FBRSL1: variants seen among roughly 807,000 people sequenced by gnomAD.
FBRSL1 encodes fibrosin like 1.
In FBRSL1, 51 loss-of-function variants were observed where a neutral mutation model predicts 89.6. The ratio of observed to expected loss-of-function variants is 0.57; its 90% CI spans 0.45 to 0.72. The LOEUF is 0.72. Ranked by LOEUF, FBRSL1 falls within the 30% of genes least tolerant of loss-of-function variation. The pLI is 0.00. For synonymous variants in FBRSL1, 779 were observed against 681.1 expected (o/e 1.14, Z -2.24); for missense variants, 1,618 against 1,451.8 (o/e 1.11, Z -1.86).
At chr12:132,555,232 G>A (rs1397519140) in intron 5 of FBRSL1, among the ~76,000 whole-genome samples, 5 of 150,956 alleles carry the variant, frequency 3.3e-5, no homozygotes, top group South Asian at 4.2e-4. Context: ...GCTCTCCCTC[G>A]GGTGGGAGTG....
chr12:132,562,633 T>C (rs116279519), intron 5 of FBRSL1, among the ~76,000 whole-genome samples: 14,981 of 95,188 alleles, frequency 0.16, 1,538 homozygotes, highest in African/African-American at 0.35. Flanking sequence ...TCAGCATCCC[T>C]TCCCACCAGC....
rs2040228499 is a variant in FBRSL1 at position 132,574,140 on chromosome 12, C to A, written c.1581C>A (p.Leu527=). The A allele has an allele frequency of 2.1e-6, 3 of 1,414,436 alleles. No individual in the cohort carries two copies. The highest frequency in any genetic ancestry group is 2.8e-6 in the Non-Finnish European group (3 of 1,089,278). 87.6% of individuals were successfully genotyped at this position (1,414,436 alleles called of 1,614,324 possible). A position where few individuals can be genotyped will look rare whatever the true frequency, so the allele number is the denominator to read the frequency against. ...GCCGGGCTGGTGCGGTTCACACACT[C>A]CTGCAGAAAGCGCCTGGGGTAGGTG... ...VARRAGAVHT[L]LQKAPGVSDP... is the part of the protein sequence containing the mutation. Residue 527 remains leucine (L), a synonymous_variant, in exon 12 of 19, where the codon CTC becomes CTA. Coordinates refer to ENST00000680143, the MANE Select transcript of FBRSL1 (RefSeq NM_001367871.1).
At position 132,561,397 on chromosome 12, in the gene FBRSL1, G is replaced by A. The variant is rs753601285; in HGVS notation, c.646-6084G>A. Among the ~76,000 whole-genome samples the A allele has an allele frequency of 2.6e-5, 4 of 152,292 alleles. No homozygotes were observed. In the East Asian group the frequency reaches 5.8e-4, roughly 22 times the overall value. On this transcript the variant is annotated intron_variant, in intron 5 of 18. Transcript: ENST00000680143. Reference sequence around the variant, plus strand: ...CTTGTGTTCGAACCTGGGACGTGGAGCGGAACCCACTAGAGTGTTTGGGTC... The same window carrying A: ...CTTGTGTTCGAACCTGGGACGTGGAACGGAACCCACTAGAGTGTTTGGGTC...
intron 18 of FBRSL1, 53 bp from the exon 19 acceptor site, chr12:132,582,918 C>T (rs1174350948): frequency 8.4e-6 from 11 of 1,314,860 alleles, no homozygotes; most frequent in African/African-American, 6.3e-5. Flanking sequence ...GGGGCTGCGC[C>T]GCGCGGCAGG....
Position 132,525,807 on chromosome 12 carries a change from GGGACCCGCT to G in FBRSL1, c.564_572del (p.Asp189_Leu191del). Reference sequence around the variant, plus strand: ...AGCGTCCTCGAAGCCACCAGCTCCCGGGACCCGCTCAGCGATGTGAGTACCCAGCTGCCC... The same window carrying G: ...AGCGTCCTCGAAGCCACCAGCTCCCGCAGCGATGTGAGTACCCAGCTGCCC... On this transcript the variant is annotated inframe_deletion, in exon 3 of 19. Coordinates refer to ENST00000680143, the MANE Select transcript of FBRSL1 (RefSeq NM_001367871.1). 2 of 1,549,622 alleles carry G rather than the reference GGGACCCGCT, an allele frequency of 1.3e-6. No individual in the cohort carries two copies. The highest frequency in any genetic ancestry group is 1.7e-6 in the Non-Finnish European group (2 of 1,146,204).
At chr12:132,549,482 C>T (rs1013978272) in intron 5 of FBRSL1, among the ~76,000 whole-genome samples, 2 of 152,206 alleles carry the variant, frequency 1.3e-5, no homozygotes, top group African/African-American at 4.8e-5. Flanking sequence ...AATGAGGTCA[C>T]GGGCACCCAG....
intron 2 of FBRSL1, among the ~76,000 whole-genome samples, chr12:132,520,238 AACCCTCCTTGCACACCTCTAGCAC>A (rs1382138829): frequency 3.0e-5 from 4 of 135,274 alleles, no homozygotes; most frequent in African/African-American, 1.2e-4. Context: ...ACCCTCCAGC[AACCCTCCTTGCACACCTCTAGCAC>A]ACCCTCCTTG....
chr12:132,583,494 C>T lies in FBRSL1; in HGVS notation c.2725C>T (p.His909Tyr). Residue 909 changes from histidine (H) to tyrosine (Y), a missense_variant, in exon 19 of 19, where the codon CAC (histidine) becomes TAC (tyrosine). His to Tyr is a moderately conservative substitution (Grantham distance 83). Transcript: ENST00000680143. ...GGAGCTGGAGCGCGCGCGGGCCCCG[C>T]ACCTGCCGCCCGCCGCCCCCGCCTT... ...RGELERARAP[H>Y]LPPAAPALDG... 2 of 1,046,812 alleles carry T rather than the reference C, an allele frequency of 1.9e-6. 1 individual carries two copies. The allele number at this position is 1,046,812 out of a possible 1,614,324, so 64.8% of individuals were successfully genotyped here.
chr12:132,544,352 G>A (rs1254259663), intron 4 of FBRSL1, among the ~76,000 whole-genome samples: 2 of 152,160 alleles, frequency 1.3e-5, no homozygotes, highest in African/African-American at 4.8e-5. Context: ...GACAAGCAGA[G>A]AAGGAGAGAC....
intron 4 of FBRSL1, among the ~76,000 whole-genome samples, chr12:132,529,633 C>G (rs1197263584): frequency 6.6e-6 from 1 of 151,760 alleles, no homozygotes. Context: ...CTCTGCCACC[C>G]TAAGCTCTGC....
chr12:132,512,075 G>A, intron 2 of FBRSL1: 1 of 921,638 alleles, frequency 1.1e-6, no homozygotes, highest in Non-Finnish European at 1.3e-6. Flanking sequence ...GGGGAGACCT[G>A]GAGCATCTGT....
chr12:132,510,037 C>G (rs780630254), intron 2 of FBRSL1: 2 of 1,231,354 alleles, frequency 1.6e-6, no homozygotes, highest in Non-Finnish European at 2.0e-6. Context: ...CCAGAGCAGC[C>G]CGGCCCACTC....
chr12:132,561,632 G>T (rs1026036722), intron 5 of FBRSL1, among the ~76,000 whole-genome samples: 1 of 152,142 alleles, frequency 6.6e-6, no homozygotes, highest in African/African-American at 2.4e-5. Context: ...TGGCGGCGTG[G>T]TGGGGCCTGC....
intron 9 of FBRSL1, 100 bp from the exon 10 acceptor site, chr12:132,572,188 G>C (rs969482154): frequency 9.1e-7 from 1 of 1,104,498 alleles, no homozygotes; most frequent in African/African-American, 1.6e-5. Context: ...GAAGCACAAC[G>C]CCGTCCTGTC....
Position 132,546,229 on chromosome 12 carries a change from G to A in FBRSL1, c.616-1774G>A, listed in dbSNP as rs116994533. Among the ~76,000 whole-genome samples the A allele has an allele frequency of 3.7e-3, 571 of 152,358 alleles. 8 individuals are homozygous for A. Among genetic ancestry groups the A allele is most frequent in the East Asian group, 0.035 (182 of 5,182 alleles). On this transcript the variant is annotated intron_variant, in intron 4 of 18. Coordinates refer to ENST00000680143, the MANE Select transcript of FBRSL1 (RefSeq NM_001367871.1). This position sits in a 1 kb window ranked among gnomAD's most constrained non-coding sequence, Gnocchi z 4.0. ...CTTTCCTCACCAAACACCAAGGCCC[G>A]CCCATATCACAGCAGGGGAGATGGA...
rs537019983 is a variant in FBRSL1, at chr12:132,576,874, G to A, written c.1777G>A (p.Val593Met). The A allele has an allele frequency of 3.9e-5, 60 of 1,550,352 alleles. No individual in the cohort carries two copies. Among genetic ancestry groups the A allele is most frequent in the Middle Eastern group, 3.3e-4 (2 of 5,988 alleles). The change falls in exon 15 of 19, where the codon GTG becomes ATG. Residue 593 changes from valine to methionine, a missense_variant. Coordinates refer to ENST00000680143, the MANE Select transcript of FBRSL1 (RefSeq NM_001367871.1). ...DLFGRPPAPG[V>M]FAGFHYPQDL... ...GTTCGGCAGACCCCCTGCCCCGGGC[G>A]TGTTTGCAGGCTTCCACTACCCACA...
intron 18 of FBRSL1, 73 bp from the exon 19 acceptor site, chr12:132,582,898 G>C: frequency 8.1e-7 from 1 of 1,228,116 alleles, no homozygotes; most frequent in Non-Finnish European, 1.0e-6. Context: ...ACAAGCAACG[G>C]GAACATCCCG....
At position 132,583,492 on chromosome 12, in the gene FBRSL1, C is replaced by T. The variant is rs1296050721; in HGVS notation, c.2723C>T (p.Pro908Leu). 21 of 1,046,850 alleles carry T rather than the reference C, an allele frequency of 2.0e-5. No homozygotes were observed. Among genetic ancestry groups the T allele is most frequent in the African/African-American group, 1.6e-4 (9 of 57,084 alleles). 64.8% of individuals were successfully genotyped at this position (1,046,850 alleles called of 1,614,324 possible). A position where few individuals can be genotyped will look rare whatever the true frequency, so the allele number is the denominator to read the frequency against. The change falls in exon 19 of 19, where the codon CCG (proline) becomes CTG (leucine). Residue 908 changes from proline (P) to leucine (L), a missense_variant. Transcript: ENST00000680143. ...LRGELERARA[P>L]HLPPAAPALD... ...GGGGAGCTGGAGCGCGCGCGGGCCC[C>T]GCACCTGCCGCCCGCCGCCCCCGCC...
At chr12:132,563,702 G>A (rs1160929665) in intron 5 of FBRSL1, among the ~76,000 whole-genome samples, 2 of 148,126 alleles carry the variant, frequency 1.4e-5, no homozygotes, top group Non-Finnish European at 3.0e-5. Context: ...ACATACCTAC[G>A]ACTGTATACC....
Sources: gnomAD v4.1 joint callset for allele counts (sites outside exome capture counted in the v4.1 genomes callset) on GRCh38, gnomAD v4.1.1 for gene constraint, Gnocchi (gnomAD v3.1) non-coding constraint, MANE v1.5 for transcripts, NCBI Gene and HGNC (gene_info 2026-07-23, HGNC 2026-07-21) for gene names.